Variants in POLE observed in about 807,000 individuals in gnomAD.
POLE encodes the protein DNA polymerase epsilon, catalytic subunit.
Under a neutral mutation model 279.2 loss-of-function variants are expected in POLE, and 188 were observed. That is an observed-to-expected ratio of 0.67 (90% confidence interval 0.60 to 0.76). POLE has a LOEUF of 0.76. POLE is among the 30% of genes least tolerant of loss of function. The probability of loss-of-function intolerance (pLI) is 0.00; values close to 1 mark genes in which losing one functional copy is unlikely to be tolerated. For synonymous variants in POLE, 1,214 were observed against 1,172.5 expected (o/e 1.04, Z -0.72); for missense variants, 2,703 against 3,016.7 (o/e 0.90, Z 2.44).
chr12:132,644,323 C>CTTTT (rs57257940), intron 32 of POLE, among the ~76,000 whole-genome samples: 166 of 107,662 alleles, frequency 1.5e-3, no homozygotes, highest in Non-Finnish European at 1.8e-3. Flanking sequence ...CCACGGATGG[C>CTTTT]TTTTTTTTTT....
intron 29 of POLE, among the ~76,000 whole-genome samples, chr12:132,653,727 A>C (rs1048983897): frequency 6.6e-6 from 1 of 152,224 alleles, no homozygotes; most frequent in African/African-American, 2.4e-5. Flanking sequence ...AGTGGTTAAC[A>C]GGCATCCATT....
At chr12:132,651,549 G>A (rs1256875309) in intron 29 of POLE, 1 of 152,238 alleles carries the variant, frequency 6.6e-6, no homozygotes, top group East Asian at 1.9e-4. Context: ...GAACATCTTG[G>A]CCCTGTGCAG....
chr12:132,652,565 CCTCCTTCCTTGGA>C, intron 29 of POLE, among the ~76,000 whole-genome samples: 1 of 152,188 alleles, frequency 6.6e-6, no homozygotes, highest in Middle Eastern at 3.4e-3. Context: ...CTCAACTGAT[CCTCCTTCCTTGGA>C]CTCCCAAAGC....
intron 29 of POLE, among the ~76,000 whole-genome samples, chr12:132,654,926 G>T (rs2042500659): frequency 6.6e-6 from 1 of 152,150 alleles, no homozygotes; most frequent in African/African-American, 2.4e-5. Context: ...GGTTCTCCCT[G>T]TGTTGCCCAG....
At chr12:132,667,253 T>G (rs1033325732) in intron 20 of POLE, among the ~76,000 whole-genome samples, 1 of 152,228 alleles carries the variant, frequency 6.6e-6, no homozygotes, top group Non-Finnish European at 1.5e-5. Context: ...TGTAGCTTGC[T>G]GACCCCTGCT....
rs5745026 is a variant in POLE at position 132,632,261 on chromosome 12, G to A, written c.6330+54C>T. 4.0e-4 allele frequency: 558 copies of A among 1,399,412 alleles called. 3 individuals carry two copies. In the African/African-American group the frequency reaches 6.9e-3, roughly 17 times the overall value. 86.7% of individuals were successfully genotyped at this position (1,399,412 alleles called of 1,614,324 possible). On this transcript the variant is annotated intron_variant, in intron 45 of 48. Coordinates refer to ENST00000320574, the MANE Select transcript of POLE (RefSeq NM_006231.4). ...TCACCTTGCACACAGTAACATTCTCGCCTTACACATGTACGTTAGTGTCCT... is the reference window on the plus strand; with the variant it reads ...TCACCTTGCACACAGTAACATTCTCACCTTACACATGTACGTTAGTGTCCT...
intron 32 of POLE, among the ~76,000 whole-genome samples, chr12:132,647,519 C>G (rs1023852853): frequency 6.6e-6 from 1 of 151,600 alleles, no homozygotes; most frequent in African/African-American, 2.4e-5. Flanking sequence ...TCTACCTGAT[C>G]TGCACAAAGC....
rs1060500849 is a variant in POLE at position 132,642,603 on chromosome 12, A to G, written c.4855T>C (p.Tyr1619His). ...TGGCGCTGCCAGTCCAGGACCCCAT[A>G]GTTGATCTTGTCAGCCACACAGATA... ...VPICVADKIN[Y>H]GVLDWQRHGA... Residue 1619 changes from tyrosine (Y) to histidine (H), a missense_variant, in exon 37 of 49, where the codon TAT becomes CAT. Around this residue, in one of 5 missense-constraint regions of POLE, gnomAD observed 1,551 missense variants for 1,686.1 expected, o/e 0.92. Coordinates refer to ENST00000320574, the MANE Select transcript of POLE (RefSeq NM_006231.4). 1 of 1,613,560 alleles carries G rather than the reference A, an allele frequency of 6.2e-7. No homozygotes were observed. The highest frequency in any genetic ancestry group is 2.2e-5 in the East Asian group (1 of 44,876).
chr12:132,633,295 C>G (rs2041971587), intron 43 of POLE: 2 of 157,306 alleles, frequency 1.3e-5, no homozygotes, highest in African/African-American at 2.4e-5. Flanking sequence ...TCCTGAGTAG[C>G]TGGTATTAAA....
chr12:132,679,384 T>C, intron 6 of POLE, 113 bp downstream of exon 6: 1 of 1,040,628 alleles, frequency 9.6e-7, no homozygotes, highest in Non-Finnish European at 1.4e-6. Flanking sequence ...GCTCAAGTTT[T>C]CCGTATCAAA....
At chr12:132,681,509 A>G (rs1356577041) in intron 1 of POLE, among the ~76,000 whole-genome samples, 1 of 151,960 alleles carries the variant, frequency 6.6e-6, no homozygotes, top group Non-Finnish European at 1.5e-5. Flanking sequence ...ACGCCTGGCT[A>G]ATTTTTTGTA....
intron 30 of POLE, 44 bp downstream of exon 30, chr12:132,649,633 G>A (rs1333485861): frequency 1.2e-6 from 2 of 1,608,708 alleles, no homozygotes; most frequent in African/African-American, 1.3e-5. Flanking sequence ...CCTGGGCTGT[G>A]CAGACCCCTC....
At chr12:132,681,841 G>A (rs1438481340) in intron 1 of POLE, among the ~76,000 whole-genome samples, 4 of 152,170 alleles carry the variant, frequency 2.6e-5, no homozygotes, top group African/African-American at 9.7e-5. Context: ...CTAGCCAGAC[G>A]CGGTGGCTCA....
Position 132,626,072 on chromosome 12 carries a change from G to A in POLE, c.6531+45C>T, listed in dbSNP as rs1356974808. 6.5e-7 allele frequency: 1 copy of A among 1,538,064 alleles called. No individual in the cohort carries two copies. Among genetic ancestry groups the A allele is most frequent in the Non-Finnish European group, 8.8e-7 (1 of 1,133,276 alleles). On this transcript the variant is annotated intron_variant, in intron 46 of 48. Coordinates refer to ENST00000320574, the MANE Select transcript of POLE (RefSeq NM_006231.4). ...CCCTCAAGACACCGCAGTGCCCTCGGATGTTCTGCTCCACAGTGAAGGGCC... is the reference window on the plus strand; with the variant it reads ...CCCTCAAGACACCGCAGTGCCCTCGAATGTTCTGCTCCACAGTGAAGGGCC...
Position 132,668,209 on chromosome 12 carries a change from C to T in POLE, c.2173+147G>A. The T allele has an allele frequency of 1.2e-6, 1 of 842,480 alleles. No individual in the cohort carries two copies. The highest frequency in any genetic ancestry group is 2.7e-5 in the East Asian group (1 of 36,940). The allele number at this position is 842,480 out of a possible 1,614,324, so 52.2% of individuals were successfully genotyped here. A position where few individuals can be genotyped will look rare whatever the true frequency, so the allele number is the denominator to read the frequency against. ...AATAAAGGACCCTGCAGTGAGAGCA[C>T]AGCTTACAGTGACCTAGAGCAGCTT... On this transcript the variant is annotated intron_variant, in intron 19 of 48. Transcript: ENST00000320574. This position sits in a 1 kb window ranked among gnomAD's most constrained non-coding sequence, Gnocchi z 4.0.
chr12:132,667,581 G>A lies in POLE; in HGVS notation c.2241C>T (p.Cys747=), dbSNP rs2135970303. ...CCACGTAGAAGGAGTTTTCCCGCTG[G>A]CAGATGGTGGTGAGACGCTCTTCCA... ...TKVEERLTTI[C]QRENSFYVDT... is the part of the protein sequence containing the mutation. Residue 747 remains cysteine, a synonymous_variant, in exon 20 of 49, where the codon TGC becomes TGT. Coordinates refer to ENST00000320574, the MANE Select transcript of POLE (RefSeq NM_006231.4). The A allele has an allele frequency of 6.2e-7, 1 of 1,613,718 alleles. No individual in the cohort carries two copies. Among genetic ancestry groups the A allele is most frequent in the Non-Finnish European group, 8.5e-7 (1 of 1,179,890 alleles).
chr12:132,624,953 A>T lies in POLE; in HGVS notation c.6699T>A (p.Pro2233=), dbSNP rs1057521409. The T allele has an allele frequency of 1.2e-6, 2 of 1,613,944 alleles. No individual in the cohort carries two copies. The highest frequency in any genetic ancestry group is 2.7e-5 in the African/African-American group (2 of 74,928). ...AGTCTCCCGCGCAGCTGCAGTACAC[A>T]GGCATGCTGGTCTCCTTCACCCCGC... is the stretch of plus-strand genomic sequence containing the variant. ...KCRGVKETSM[P]VYCSCAGDFA... Residue 2233 remains proline, a synonymous_variant, in exon 48 of 49, where the codon CCT becomes CCA. Coordinates refer to ENST00000320574, the MANE Select transcript of POLE (RefSeq NM_006231.4).
intron 16 of POLE, among the ~76,000 whole-genome samples, chr12:132,670,038 A>G (rs1014635783): frequency 6.7e-6 from 1 of 149,528 alleles, no homozygotes; most frequent in Non-Finnish European, 1.5e-5. Context: ...CTCCAGCCTC[A>G]CTCTACCTGC....
intron 41 of POLE, 117 bp downstream of exon 41, chr12:132,637,897 T>C (rs1020620625): frequency 8.7e-6 from 10 of 1,153,140 alleles, no homozygotes; most frequent in African/African-American, 1.5e-5. Context: ...CCATGGTGAG[T>C]CCTGCACTTC....
Sources: gnomAD v4.1 joint callset for allele counts (sites outside exome capture counted in the v4.1 genomes callset) on GRCh38, gnomAD v4.1.1 for gene constraint, gnomAD v4.1.1 regional missense constraint, Gnocchi (gnomAD v3.1) non-coding constraint, MANE v1.5 for transcripts, NCBI Gene and HGNC (gene_info 2026-07-23, HGNC 2026-07-21) for gene names.